The following EYS variants were observed in gnomAD, a reference collection of about 807,000 sequenced individuals.
EYS encodes EGF-like photoreceptor maintenance factor, also known as protein eyes shut homolog.
EYS carries 250 observed loss-of-function variants against 282.1 expected under a neutral mutation model. That is an observed-to-expected ratio of 0.89 (90% CI 0.80 to 0.98). EYS has a LOEUF of 0.98. Among genes scored for constraint, EYS ranks in the 50% least tolerant of loss-of-function variants. The pLI is 0.00. For missense variants in EYS, 4,016 were observed against 3,709.0 expected (o/e 1.08, Z -2.15); for synonymous variants, 1,355 against 1,282.9 (o/e 1.06, Z -1.20).
chr6:63,774,296 G>A (rs572195332), intron 40 of EYS, among the ~76,000 whole-genome samples: 58 of 151,976 alleles, frequency 3.8e-4, no homozygotes, highest in African/African-American at 1.4e-3. Flanking sequence ...AGCCTCCCAG[G>A]TAGCTGGGAT....
intron 22 of EYS, among the ~76,000 whole-genome samples, chr6:64,787,557 T>C (rs186814819): frequency 3.9e-5 from 6 of 151,912 alleles, no homozygotes; most frequent in Admixed American, 3.9e-4. Context: ...CAGGCCTTTG[T>C]TGAGCCCTTC....
chr6:64,154,440 C>CAAAAAAAAAA (rs397819570), intron 31 of EYS, among the ~76,000 whole-genome samples: 1 of 59,482 alleles, frequency 1.7e-5, no homozygotes, highest in African/African-American at 5.0e-5. Context: ...AACTCCGTCT[C>CAAAAAAAAAA]AAAAAAAAAA....
At chr6:65,045,692 A>G (rs1773079985) in intron 13 of EYS, among the ~76,000 whole-genome samples, 7 of 151,800 alleles carry the variant, frequency 4.6e-5, no homozygotes, top group Admixed American at 4.6e-4. Flanking sequence ...CATGACAAAT[A>G]TGTTTGTTGT....
intron 29 of EYS, among the ~76,000 whole-genome samples, chr6:64,320,936 G>A (rs554414484): frequency 5.5e-4 from 83 of 151,586 alleles, no homozygotes; most frequent in African/African-American, 2.0e-3. Flanking sequence ...ATTTTTAAAC[G>A]AAAAATTCCA....
At chr6:64,388,887 C>T (rs1561965386) in intron 28 of EYS, 47 bp from the exon 29 acceptor site, 3 of 1,160,746 alleles carry the variant, frequency 2.6e-6, no homozygotes, top group Non-Finnish European at 3.5e-6. Flanking sequence ...GTCATATAAA[C>T]ATTTATCTGA....
chr6:65,381,384 CAT>C lies in EYS; in HGVS notation c.1299+3000_1299+3001del, dbSNP rs578032972. On this transcript the variant is annotated intron_variant, in intron 8 of 42. Transcript: ENST00000503581. ...CATAGGAACAGAAAAGCAAACACCA[CAT>C]GTTCTCACTCATAAGTGGGAGTTGA... Among the ~76,000 whole-genome samples, 74 of 152,158 alleles carry C rather than the reference CAT, an allele frequency of 4.9e-4. 1 individual carries two copies. The highest frequency in any genetic ancestry group is 1.7e-3 in the African/African-American group (69 of 41,550).
chr6:64,842,130 G>A (rs1765580719), intron 19 of EYS, among the ~76,000 whole-genome samples: 1 of 151,906 alleles, frequency 6.6e-6, no homozygotes, highest in Non-Finnish European at 1.5e-5. Context: ...GGGCATTAAT[G>A]CTAATAGTGT....
chr6:64,911,921 T>A (rs541882768), intron 16 of EYS, among the ~76,000 whole-genome samples: 28 of 152,236 alleles, frequency 1.8e-4, no homozygotes, highest in Admixed American at 3.3e-4. Flanking sequence ...AAGCCAGAAA[T>A]ATCCTGGCTT....
chr6:65,380,870 CTCATCA>C (rs1765584574), intron 8 of EYS, among the ~76,000 whole-genome samples: 1 of 152,046 alleles, frequency 6.6e-6, no homozygotes, highest in Non-Finnish European at 1.5e-5. Flanking sequence ...TAAAAAAAAG[CTCATCA>C]TCACTGGTCA....
intron 36 of EYS, among the ~76,000 whole-genome samples, chr6:63,835,811 G>A (rs1008454284): frequency 6.6e-6 from 1 of 151,980 alleles, no homozygotes; most frequent in Non-Finnish European, 1.5e-5. Context: ...TTCTAACTTT[G>A]ACATAATAGA....
At chr6:65,219,542 A>G (rs1766406270) in intron 12 of EYS, among the ~76,000 whole-genome samples, 1 of 152,026 alleles carries the variant, frequency 6.6e-6, no homozygotes, top group Admixed American at 6.6e-5. Context: ...AAGTATTAAG[A>G]AATATACCAT....
intron 41 of EYS, among the ~76,000 whole-genome samples, chr6:63,758,316 A>G (rs971935661): frequency 1.3e-5 from 2 of 152,186 alleles, no homozygotes; most frequent in Non-Finnish European, 2.9e-5. Flanking sequence ...AGAAAACATT[A>G]TCTTTTTAAA....
intron 28 of EYS, chr6:64,412,666 T>C (rs1773940291): frequency 1.3e-5 from 2 of 152,170 alleles, no homozygotes; most frequent in African/African-American, 4.8e-5. Context: ...GTGAAGCATG[T>C]ACTGTATTCT....
chr6:65,261,907 G>T (rs1360246047), intron 12 of EYS, among the ~76,000 whole-genome samples: 1 of 151,642 alleles, frequency 6.6e-6, no homozygotes, highest in Non-Finnish European at 1.5e-5. Context: ...ATTATTTGAA[G>T]AATTTGCTTT....
In EYS at chr6:65,019,630, A is replaced by G. The variant is rs540849881; in HGVS notation, c.2138-21927T>C. On this transcript the variant is annotated intron_variant, in intron 13 of 42. Transcript: ENST00000503581. ...AGCACCATATTAATTTAAGACATTA[A>G]TATCATTATCTCTGTCCATTTGCCT... Among the ~76,000 whole-genome samples, 11 of 152,342 alleles carry G rather than the reference A, an allele frequency of 7.2e-5. No individual in the cohort carries two copies. The South Asian group carries it at 1.0e-3, about 14-fold the overall frequency.
rs67505285 is a variant in EYS at position 65,120,460 on chromosome 6, C to CAAAAAAAAAAAAAAAA, written c.2024-62749_2024-62734dup. Among the ~76,000 whole-genome samples, 16 of 68,264 alleles carry CAAAAAAAAAAAAAAAA rather than the reference C, an allele frequency of 2.3e-4. 1 individual carries two copies. The highest frequency in any genetic ancestry group is 4.2e-4 in the African/African-American group (7 of 16,730). 44.8% of individuals were successfully genotyped at this position (68,264 alleles called of 152,430 possible). Reference sequence around the variant, plus strand: ...ACATTACTCTTTTTCTTTAAATAAGCAAAAAAAAAAAAAAAAAAAAAAAAT... The same window carrying CAAAAAAAAAAAAAAAA: ...ACATTACTCTTTTTCTTTAAATAAGCAAAAAAAAAAAAAAAAAAAAAAAAAAAAAAAAAAAAAAAAT... On this transcript the variant is annotated intron_variant, in intron 12 of 42. Coordinates refer to ENST00000503581, the MANE Select transcript of EYS (RefSeq NM_001142800.2).
intron 29 of EYS, among the ~76,000 whole-genome samples, chr6:64,363,177 T>A (rs1772073166): frequency 6.6e-6 from 1 of 151,886 alleles, no homozygotes. Context: ...CATTTATTTG[T>A]GATTCTGCAT....
At position 64,497,366 on chromosome 6, in the gene EYS, G is replaced by T. The variant is rs576712015; in HGVS notation, c.5645-58014C>A. 2.6e-5 allele frequency among the ~76,000 whole-genome samples: 4 copies of T among 152,232 alleles called. No individual in the cohort carries two copies. The East Asian group carries it at 7.7e-4, about 29-fold the overall frequency. On this transcript the variant is annotated intron_variant, in intron 26 of 42. Transcript: ENST00000503581. ...AATTATCCTTAAACATTTAGTTGATGATCTGACTCTAGAAGAATAGATAGA... is the reference window on the plus strand; with the variant it reads ...AATTATCCTTAAACATTTAGTTGATTATCTGACTCTAGAAGAATAGATAGA...
chr6:64,334,671 A>G (rs1770776778), intron 29 of EYS, among the ~76,000 whole-genome samples: 1 of 152,154 alleles, frequency 6.6e-6, no homozygotes, highest in South Asian at 2.1e-4. Flanking sequence ...CCCAGAGGAG[A>G]GATGTTATTT....
Sources: gnomAD v4.1 joint callset for allele counts (sites outside exome capture counted in the v4.1 genomes callset) on GRCh38, gnomAD v4.1.1 for gene constraint, MANE v1.5 for transcripts, NCBI Gene and HGNC (gene_info 2026-07-23, HGNC 2026-07-21) for gene names.